Variants in FMNL3 observed in about 807,000 individuals in gnomAD.
The protein encoded by FMNL3 is formin like 3.
In FMNL3, 57 loss-of-function variants were observed where a neutral mutation model predicts 119.6. The ratio of observed to expected loss-of-function variants is 0.48; its 90% confidence interval spans 0.39 to 0.59. The LOEUF (loss-of-function observed/expected upper bound fraction) is 0.59. FMNL3 is among the 20% of genes least tolerant of loss of function. The pLI is 0.00. For missense variants in FMNL3, 1,053 were observed against 1,323.5 expected (o/e 0.80, Z 3.17); for synonymous variants, 491 against 507.3 (o/e 0.97, Z 0.43).
intron 1 of FMNL3, among the ~76,000 whole-genome samples, chr12:49,702,570 C>T (rs1185273472): frequency 6.6e-6 from 1 of 152,030 alleles, no homozygotes; most frequent in Non-Finnish European, 1.5e-5. Flanking sequence ...AACAAAAAAA[C>T]GCTGAATCTC....
At position 49,651,994 on chromosome 12, in the gene FMNL3, C is replaced by G. The variant is rs199887597; in HGVS notation, c.1542G>C (p.Glu514Asp). Residue 514 changes from glutamate (E) to aspartate (D), a missense_variant, in exon 14 of 26, where the codon GAG becomes GAC. Physicochemically the swap from Glu to Asp is conservative, Grantham distance 45. Coordinates refer to ENST00000335154, the MANE Select transcript of FMNL3 (RefSeq NM_175736.5). ...DLLAPAPPPEEVLPLPPPPAP... is the reference protein window; with the variant it reads ...DLLAPAPPPEDVLPLPPPPAP... The stretch of plus-strand genomic sequence containing the variant: ...CTGGTGGTGGAGGAAGAGGCAGGAC[C>G]TCCTCAGGGGGTGGGGCTGGAGCCA... 93 of 1,606,300 alleles carry G rather than the reference C, an allele frequency of 5.8e-5. No individual in the cohort carries two copies. In the African/African-American group the frequency reaches 1.2e-3, roughly 21 times the overall value.
At chr12:49,692,337 A>C (rs912531288) in intron 1 of FMNL3, among the ~76,000 whole-genome samples, 3 of 151,892 alleles carry the variant, frequency 2.0e-5, no homozygotes, top group Admixed American at 2.0e-4. Context: ...AAAAAAAAAA[A>C]CTTCAGTCTA....
intron 1 of FMNL3, among the ~76,000 whole-genome samples, chr12:49,690,286 A>G (rs1478561487): frequency 6.6e-6 from 1 of 152,208 alleles, no homozygotes; most frequent in African/African-American, 2.4e-5. Context: ...TGCTGTGTAT[A>G]CAGCAGGCAC....
chr12:49,682,519 T>C (rs926509193), intron 1 of FMNL3, among the ~76,000 whole-genome samples: 1 of 152,118 alleles, frequency 6.6e-6, no homozygotes, highest in Non-Finnish European at 1.5e-5. Context: ...ATTTTAATTT[T>C]TTATTTTGGT....
At chr12:49,681,474 CCA>C (rs1944333255) in intron 1 of FMNL3, among the ~76,000 whole-genome samples, 1 of 152,176 alleles carries the variant, frequency 6.6e-6, no homozygotes, top group Non-Finnish European at 1.5e-5. Flanking sequence ...CAAGCGTGAG[CCA>C]CTGCGCCCTG....
rs202143759 is a variant in FMNL3, at chr12:49,636,803, G to T, written c.*9012C>A. On this transcript the variant is annotated 3_prime_UTR_variant, in exon 26 of 26. Coordinates refer to ENST00000335154, the MANE Select transcript of FMNL3 (RefSeq NM_175736.5). ...GAGGAGGAGGAACGGGAGCGGGCCCGGCTTCGGGAGCGACGCCAACAACGC... is the reference window on the plus strand; with the variant it reads ...GAGGAGGAGGAACGGGAGCGGGCCCTGCTTCGGGAGCGACGCCAACAACGC... The T allele has an allele frequency of 6.2e-7, 1 of 1,614,220 alleles. No homozygotes were observed. Among genetic ancestry groups the T allele is most frequent in the Non-Finnish European group, 8.5e-7 (1 of 1,180,042 alleles).
rs531797666 is a variant in FMNL3, at chr12:49,669,309, C to G, written c.127-755G>C. On this transcript the variant is annotated intron_variant, in intron 1 of 25. Coordinates refer to ENST00000335154, the MANE Select transcript of FMNL3 (RefSeq NM_175736.5). ...CACCCTAACCCCTTGGCAAGCCACT[C>G]TAATACAGGCTATTTGAAGGACAGA... is the stretch of plus-strand genomic sequence containing the variant. 5.3e-5 allele frequency among the ~76,000 whole-genome samples: 8 copies of G among 152,314 alleles called. No homozygotes were observed. In the South Asian group the frequency reaches 8.3e-4, roughly 16 times the overall value.
Position 49,707,274 on chromosome 12 carries a change from G to A in FMNL3, c.-94C>T. 8.2e-7 allele frequency: 1 copy of A among 1,216,468 alleles called. No individual in the cohort carries two copies. Among genetic ancestry groups the A allele is most frequent in the East Asian group, 3.1e-5 (1 of 32,184 alleles). 75.4% of individuals were successfully genotyped at this position (1,216,468 alleles called of 1,614,324 possible). On this transcript the variant is annotated 5_prime_UTR_variant, in exon 1 of 26. Transcript: ENST00000335154. Reference sequence around the variant, plus strand: ...CCGACCAGGCTCCTCCCTCAGCGCCGGCTCCCCGAGTCCCGACTCCTCGGC... The same window carrying A: ...CCGACCAGGCTCCTCCCTCAGCGCCAGCTCCCCGAGTCCCGACTCCTCGGC...
In FMNL3 at chr12:49,658,585, A is replaced by G; in HGVS notation, c.462T>C (p.Phe154=). ...SFAQCSVMFD[F]EGLESGDDGA... ...CATCGTCACCACTTTCCAGACCCTC[A>G]AAGTCAAACCTGGAGCATGAAAGGA... The change falls in exon 6 of 26, where the codon TTT becomes TTC. Residue 154 remains phenylalanine, a synonymous_variant. Coordinates refer to ENST00000335154, the MANE Select transcript of FMNL3 (RefSeq NM_175736.5). 6.2e-7 allele frequency: 1 copy of G among 1,608,936 alleles called. No homozygotes were observed. The highest frequency in any genetic ancestry group is 8.5e-7 in the Non-Finnish European group (1 of 1,177,328).
In FMNL3 at chr12:49,648,289, A is replaced by G; in HGVS notation, c.2580T>C (p.Arg860=). 1.9e-6 allele frequency: 3 copies of G among 1,613,568 alleles called. No homozygotes were observed. Among genetic ancestry groups the G allele is most frequent in the Non-Finnish European group, 2.5e-6 (3 of 1,179,818 alleles). The stretch of plus-strand genomic sequence containing the variant: ...CGCTGTTGTCATGGATGCTGCACTC[A>G]CGCCGAATCAGCTCCATGCCCCGGC... ...ELGRGMELIR[R]ECSIHDNSVL... The change falls in exon 22 of 26, where the codon CGT becomes CGC. Residue 860 remains arginine (R), a synonymous_variant. Transcript: ENST00000335154.
Position 49,644,039 on chromosome 12 carries a change from T to C in FMNL3, c.*1776A>G. ...AGGGGCCCTAGGCCAGTCAGCACGC[T>C]GGTCAAGCTTCCACGGCCCTTAGTG... On this transcript the variant is annotated 3_prime_UTR_variant, in exon 26 of 26. Coordinates refer to ENST00000335154, the MANE Select transcript of FMNL3 (RefSeq NM_175736.5). The C allele has an allele frequency of 1.2e-6, 2 of 1,614,144 alleles. No homozygotes were observed. The highest frequency in any genetic ancestry group is 1.7e-6 in the Non-Finnish European group (2 of 1,180,002).
At chr12:49,681,468 C>T (rs781010764) in intron 1 of FMNL3, among the ~76,000 whole-genome samples, 83 of 151,322 alleles carry the variant, frequency 5.5e-4, no homozygotes, top group Admixed American at 1.6e-3. Flanking sequence ...GGATTACAAG[C>T]GTGAGCCACT....
In FMNL3 at chr12:49,648,227, A is replaced by C. The variant is rs765354694; in HGVS notation, c.2642T>G (p.Leu881Arg). ...RNFLSTNEGK[L>R]DKLQRDAKTA... ...CTTGGCGTCCCGCTGGAGCTTGTCT[A>C]GTTTGCCTTCATTGGTACTGAGGAA... is the stretch of plus-strand genomic sequence containing the variant. Residue 881 changes from leucine to arginine, a missense_variant, in exon 22 of 26, where the codon CTA becomes CGA. Transcript: ENST00000335154. The C allele has an allele frequency of 1.2e-6, 2 of 1,613,680 alleles. No individual in the cohort carries two copies. Among genetic ancestry groups the C allele is most frequent in the South Asian group, 2.2e-5 (2 of 91,028 alleles).
intron 1 of FMNL3, among the ~76,000 whole-genome samples, chr12:49,701,720 G>A (rs1251073689): frequency 6.6e-6 from 1 of 151,926 alleles, no homozygotes; most frequent in Non-Finnish European, 1.5e-5. Context: ...CCAGGGGTTC[G>A]AGACCAGCCT....
At chr12:49,657,306 A>T (rs528043192) in intron 6 of FMNL3, 116 bp from the exon 7 acceptor site, 2 of 730,990 alleles carry the variant, frequency 2.7e-6, no homozygotes, top group Non-Finnish European at 4.7e-6. Context: ...AAAATAGGGA[A>T]TAGCACCTCG....
chr12:49,675,780 A>G (rs376479361), intron 1 of FMNL3, among the ~76,000 whole-genome samples: 1 of 152,250 alleles, frequency 6.6e-6, no homozygotes, highest in East Asian at 1.9e-4. Flanking sequence ...TTGGTTCAGA[A>G]ATCTTTTTTG....
rs1400748426 is a variant in FMNL3, at chr12:49,651,249, A to T, written c.1716T>A (p.Pro572=). The T allele has an allele frequency of 2.5e-6, 4 of 1,613,286 alleles. No individual in the cohort carries two copies. The highest frequency in any genetic ancestry group is 2.2e-5 in the East Asian group (1 of 44,838). Residue 572 remains proline, a synonymous_variant, in exon 16 of 26, where the codon CCT becomes CCA. Transcript: ENST00000335154. The part of the protein sequence containing the change: ...KKPIKTKFRL[P]VFNWTALKPN... ...GTTTCAGTGCTGTCCAGTTGAAGAC[A>T]GGCAGCCGGAACTTGGTCTTGATAG...
chr12:49,656,731 C>T (rs1943581123), intron 8 of FMNL3, 92 bp downstream of exon 8: 1 of 1,300,430 alleles, frequency 7.7e-7, no homozygotes, highest in Non-Finnish European at 1.1e-6. Flanking sequence ...GACAGGACTC[C>T]AAGGCCAGGC....
intron 1 of FMNL3, among the ~76,000 whole-genome samples, chr12:49,682,461 A>G (rs1282374689): frequency 6.6e-6 from 1 of 152,012 alleles, no homozygotes; most frequent in African/African-American, 2.4e-5. Context: ...CTCCCACATC[A>G]GCTTCCCAAG....
Sources: gnomAD v4.1 joint callset for allele counts (sites outside exome capture counted in the v4.1 genomes callset) on GRCh38, gnomAD v4.1.1 for gene constraint, MANE v1.5 for transcripts, NCBI Gene and HGNC (gene_info 2026-07-23, HGNC 2026-07-21) for gene names.